The following SNTG1 variants were observed in gnomAD, a reference collection of about 807,000 sequenced individuals.
SNTG1 encodes the protein syntrophin gamma 1, also known as gamma-1-syntrophin.
A neutral mutation model predicts 74.7 loss-of-function variants in SNTG1; 39 were observed. The ratio of observed to expected loss-of-function variants is 0.52; its 90% CI spans 0.40 to 0.68. SNTG1 has a LOEUF of 0.68. Ranked by LOEUF, SNTG1 falls within the 30% of genes least tolerant of loss-of-function variation. The pLI, the probability that SNTG1 is intolerant of heterozygous loss-of-function variation, is 0.00. For missense variants in SNTG1, 685 were observed against 609.5 expected, an observed-to-expected ratio of 1.12 and a Z score of -1.30; for synonymous variants, 254 against 217.1, an observed-to-expected ratio of 1.17 and a Z score of -1.49.
chr8:50,497,599 A>G (rs566200090), intron 8 of SNTG1, among the ~76,000 whole-genome samples: 26 of 152,178 alleles, frequency 1.7e-4, no homozygotes, highest in African/African-American at 6.0e-4. Flanking sequence ...GGAAATTTCA[A>G]TGAGATTGTC....
intron 1 of SNTG1, among the ~76,000 whole-genome samples, chr8:49,960,934 T>C (rs1810625183): frequency 6.6e-6 from 1 of 152,136 alleles, no homozygotes; most frequent in African/African-American, 2.4e-5. Context: ...CCTAGGGCCC[T>C]ACACAGGAAG....
At chr8:50,784,649 G>T (rs1003210312) in intron 18 of SNTG1, among the ~76,000 whole-genome samples, 5 of 152,134 alleles carry the variant, frequency 3.3e-5, no homozygotes, top group African/African-American at 9.7e-5. Flanking sequence ...GAGTAACAAT[G>T]ATATTGACTT....
At chr8:50,143,306 T>C (rs2081739859) in intron 1 of SNTG1, among the ~76,000 whole-genome samples, 1 of 152,158 alleles carries the variant, frequency 6.6e-6, no homozygotes, top group Non-Finnish European at 1.5e-5. Flanking sequence ...AAGTTTTGCC[T>C]TGCTATATTT....
At chr8:50,454,174 T>C (rs1434724042) in intron 8 of SNTG1, among the ~76,000 whole-genome samples, 1 of 152,186 alleles carries the variant, frequency 6.6e-6, no homozygotes, top group Non-Finnish European at 1.5e-5. Flanking sequence ...TATTTTTCTT[T>C]TGCTTAACAA....
chr8:50,463,467 C>G (rs1405514475), intron 8 of SNTG1, among the ~76,000 whole-genome samples: 1 of 152,140 alleles, frequency 6.6e-6, no homozygotes, highest in Non-Finnish European at 1.5e-5. Context: ...TGTTAGGAAG[C>G]ATGAAAACAA....
chr8:50,482,298 G>A (rs985520879), intron 8 of SNTG1, among the ~76,000 whole-genome samples: 2 of 152,132 alleles, frequency 1.3e-5, no homozygotes, highest in Admixed American at 1.3e-4. Context: ...TATAACTGAG[G>A]CAGGTAGGGT....
chr8:50,095,519 C>G (rs1438611606), intron 1 of SNTG1, among the ~76,000 whole-genome samples: 1 of 151,972 alleles, frequency 6.6e-6, no homozygotes, highest in Non-Finnish European at 1.5e-5. Context: ...ATTTTATATA[C>G]AATAGATTTT....
intron 1 of SNTG1, among the ~76,000 whole-genome samples, chr8:50,154,184 C>A (rs1001535625): frequency 4.6e-5 from 7 of 152,140 alleles, no homozygotes; most frequent in African/African-American, 1.7e-4. Flanking sequence ...AGACTGACAC[C>A]TCATACAGCC....
chr8:50,230,715 G>T (rs2085574643), intron 2 of SNTG1, among the ~76,000 whole-genome samples: 1 of 151,154 alleles, frequency 6.6e-6, no homozygotes, highest in African/African-American at 2.4e-5. Context: ...AATCAGCCTG[G>T]ACCCTTATCT....
intron 18 of SNTG1, among the ~76,000 whole-genome samples, chr8:50,760,296 T>A (rs1464208029): frequency 5.3e-5 from 8 of 152,040 alleles, no homozygotes; most frequent in African/African-American, 1.9e-4. Flanking sequence ...CAAACAGAAA[T>A]ATTTTGACTT....
intron 1 of SNTG1, among the ~76,000 whole-genome samples, chr8:50,090,417 G>T (rs2079679950): frequency 6.6e-6 from 1 of 152,098 alleles, no homozygotes; most frequent in African/African-American, 2.4e-5. Context: ...ATGCAAGACA[G>T]GCTTTCCCTT....
At chr8:49,916,399 A>G (rs1460813741) in intron 1 of SNTG1, among the ~76,000 whole-genome samples, 10 of 152,188 alleles carry the variant, frequency 6.6e-5, no homozygotes, top group Non-Finnish European at 4.4e-5. Flanking sequence ...TTGGTCTTCA[A>G]TTTGTCAGCA....
At chr8:50,089,902 A>C (rs1016154921) in intron 1 of SNTG1, among the ~76,000 whole-genome samples, 2 of 152,224 alleles carry the variant, frequency 1.3e-5, no homozygotes, top group African/African-American at 4.8e-5. Context: ...CCATCCCATT[A>C]CTGGGTATAT....
At chr8:49,978,849 G>A (rs189863514) in intron 1 of SNTG1, among the ~76,000 whole-genome samples, 62 of 152,266 alleles carry the variant, frequency 4.1e-4, no homozygotes, top group African/African-American at 1.5e-3. Flanking sequence ...AGTAACATCC[G>A]AAATATCCTC....
intron 15 of SNTG1, among the ~76,000 whole-genome samples, chr8:50,679,737 GT>G (rs1380420796): frequency 2.6e-5 from 4 of 152,134 alleles, no homozygotes; most frequent in African/African-American, 9.7e-5. Context: ...TCAGGGAACT[GT>G]CTTCTGAGCA....
intron 2 of SNTG1, among the ~76,000 whole-genome samples, chr8:50,353,783 A>G (rs527698995): frequency 2.0e-5 from 3 of 152,246 alleles, no homozygotes; most frequent in Non-Finnish European, 4.4e-5. Context: ...GGTAGCAGGA[A>G]TGGTGCTTTA....
chr8:50,418,309 A>T (rs2093038846), intron 4 of SNTG1, among the ~76,000 whole-genome samples: 1 of 151,080 alleles, frequency 6.6e-6, no homozygotes, highest in Non-Finnish European at 1.5e-5. Context: ...CACCACTGAC[A>T]CTCCTTTCTC....
chr8:50,570,175 CCTT>C (rs2094538766), intron 12 of SNTG1, among the ~76,000 whole-genome samples: 1 of 150,538 alleles, frequency 6.6e-6, no homozygotes, highest in Admixed American at 6.6e-5. Flanking sequence ...GATTTCCTCT[CCTT>C]CGGATATATA....
At chr8:50,220,962 C>G (rs551130265) in intron 2 of SNTG1, among the ~76,000 whole-genome samples, 2 of 152,304 alleles carry the variant, frequency 1.3e-5, no homozygotes, top group East Asian at 3.9e-4. Flanking sequence ...CACACTGTGG[C>G]TGCAGATAGA....
Sources: gnomAD v4.1 joint callset for allele counts (sites outside exome capture counted in the v4.1 genomes callset) on GRCh38, gnomAD v4.1.1 for gene constraint, MANE v1.5 for transcripts, NCBI Gene and HGNC (gene_info 2026-07-23, HGNC 2026-07-21) for gene names.